The following BMAL1 variants were observed in gnomAD, a reference collection of about 807,000 sequenced individuals.
BMAL1 encodes basic helix-loop-helix ARNT like 1.
At chr11:13,325,651 G>C in the BMAL1 span, among the ~76,000 whole-genome samples, 1 of 119,188 alleles carries the variant, frequency 8.4e-6, no homozygotes, top group Non-Finnish European at 1.9e-5. Flanking sequence ...TGCCTTTTGA[G>C]ACCTTTTGTG....
At chr11:13,341,747 A>G in the BMAL1 span, among the ~76,000 whole-genome samples, 4,708 of 152,362 alleles carry the variant, frequency 0.031, 269 homozygotes, top group African/African-American at 0.11. Flanking sequence ...CTTATTCTGT[A>G]GCAATTAAAG....
the BMAL1 span, chr11:13,354,556 TA>T: frequency 4.9e-6 from 7 of 1,442,226 alleles, no homozygotes; most frequent in Non-Finnish European, 6.5e-6. Flanking sequence ...GGGATGGGAA[TA>T]AAAAACCCAA....
chr11:13,350,555 T>A, the BMAL1 span, among the ~76,000 whole-genome samples: 2 of 152,140 alleles, frequency 1.3e-5, no homozygotes, highest in Non-Finnish European at 2.9e-5. Flanking sequence ...TGGAAATAAC[T>A]AGATCAGAGG....
At chr11:13,283,503 C>T in the BMAL1 span, among the ~76,000 whole-genome samples, 1 of 152,074 alleles carries the variant, frequency 6.6e-6, no homozygotes, top group South Asian at 2.1e-4. Flanking sequence ...ATAAACTGCC[C>T]AAGGTCACTC....
the BMAL1 span, chr11:13,277,091 C>A: frequency 6.6e-6 from 1 of 152,264 alleles, no homozygotes; most frequent in African/African-American, 2.4e-5. Flanking sequence ...ACTTGCAGTC[C>A]TCGGGGTGGA....
chr11:13,288,510 T>A, the BMAL1 span, among the ~76,000 whole-genome samples: 2 of 151,204 alleles, frequency 1.3e-5, no homozygotes, highest in East Asian at 3.9e-4. Context: ...TAGCCCACTC[T>A]TTCATTTTGC....
the BMAL1 span, among the ~76,000 whole-genome samples, chr11:13,346,440 G>A: frequency 0.17 from 25,263 of 152,174 alleles, 2,351 homozygotes; most frequent in Middle Eastern, 0.26. Context: ...GTAGATGGTC[G>A]GTATGGGTTT....
At chr11:13,376,934 C>T in the BMAL1 span, among the ~76,000 whole-genome samples, 1 of 152,208 alleles carries the variant, frequency 6.6e-6, no homozygotes, top group Non-Finnish European at 1.5e-5. Flanking sequence ...TAGGAGCTCA[C>T]TGCTGCACTT....
chr11:13,336,535 G>A, the BMAL1 span, among the ~76,000 whole-genome samples: 122 of 152,272 alleles, frequency 8.0e-4, 2 homozygotes, highest in Admixed American at 3.1e-3. Flanking sequence ...CAGTCTACCA[G>A]AAGCTTCCTG....
chr11:13,290,557 A>G, the BMAL1 span, among the ~76,000 whole-genome samples: 2,537 of 108,398 alleles, frequency 0.023, 88 homozygotes, highest in African/African-American at 0.091. Context: ...TTACAAGTGT[A>G]TATATTATTA....
chr11:13,369,466 T>C, the BMAL1 span: 2 of 833,648 alleles, frequency 2.4e-6, no homozygotes, highest in African/African-American at 1.7e-5. Context: ...CCATGCTGCA[T>C]CTGTTAAAGC....
the BMAL1 span, among the ~76,000 whole-genome samples, chr11:13,348,465 G>A: frequency 6.6e-6 from 1 of 152,120 alleles, no homozygotes; most frequent in African/African-American, 2.4e-5. Flanking sequence ...CAGAGGCAGT[G>A]ACAAGGATCT....
the BMAL1 span, among the ~76,000 whole-genome samples, chr11:13,359,663 C>T: frequency 3.9e-5 from 6 of 152,134 alleles, no homozygotes; most frequent in African/African-American, 1.4e-4. Context: ...CTTCACTATT[C>T]TACTCGCTAT....
At chr11:13,278,697 G>C in the BMAL1 span, among the ~76,000 whole-genome samples, 1 of 152,222 alleles carries the variant, frequency 6.6e-6, no homozygotes, top group African/African-American at 2.4e-5. Flanking sequence ...GGGCAGGTGC[G>C]CGTCGGCCTG....
the BMAL1 span, chr11:13,354,385 G>T: frequency 6.2e-7 from 1 of 1,614,160 alleles, no homozygotes; most frequent in Non-Finnish European, 8.5e-7. Flanking sequence ...CTGCTTTCCA[G>T]CTCTCTTGGT....
At chr11:13,287,795 A>T in the BMAL1 span, among the ~76,000 whole-genome samples, 1 of 152,334 alleles carries the variant, frequency 6.6e-6, no homozygotes, top group South Asian at 2.1e-4. Context: ...TCTATAGCTG[A>T]GCCACATTAA....
chr11:13,299,907 G>C, the BMAL1 span, among the ~76,000 whole-genome samples: 3 of 152,210 alleles, frequency 2.0e-5, no homozygotes, highest in African/African-American at 7.2e-5. Flanking sequence ...TCAGGTGGGA[G>C]CCTGGTGGCC....
At chr11:13,302,877 G>A in the BMAL1 span, among the ~76,000 whole-genome samples, 12 of 152,194 alleles carry the variant, frequency 7.9e-5, no homozygotes, top group Non-Finnish European at 1.3e-4. Context: ...GATTTCTTCC[G>A]GAAGAGTTTG....
At chr11:13,369,029 T>A in the BMAL1 span, among the ~76,000 whole-genome samples, 2 of 152,246 alleles carry the variant, frequency 1.3e-5, no homozygotes, top group Non-Finnish European at 2.9e-5. Context: ...AAGTGCTCAG[T>A]ACCTGCATGC....
Sources: gnomAD v4.1 joint callset for allele counts (sites outside exome capture counted in the v4.1 genomes callset) on GRCh38, gnomAD v4.1.1 for gene constraint, MANE v1.5 for transcripts, NCBI Gene and HGNC (gene_info 2026-07-23, HGNC 2026-07-21) for gene names.